The following HBS1L variants were observed in gnomAD, a reference collection of about 807,000 sequenced individuals.
HBS1L encodes HBS1 like translational GTPase.
In HBS1L, 55 loss-of-function variants were observed where a neutral mutation model predicts 88.9. The observed-to-expected ratio is 0.62, with a 90% CI of 0.50 to 0.77. The LOEUF is 0.77. Among genes scored for constraint, HBS1L ranks in the 30% least tolerant of loss-of-function variants. The probability of loss-of-function intolerance (pLI) is 0.00; values close to 1 mark genes in which losing one functional copy is unlikely to be tolerated. For synonymous variants in HBS1L, 267 were observed against 288.5 expected (o/e 0.93, Z 0.76); for missense variants, 741 against 829.3 (o/e 0.89, Z 1.31).
Position 134,978,714 on chromosome 6 carries a change from A to C in HBS1L, c.1762T>G (p.Phe588Val). The C allele has an allele frequency of 6.2e-7, 1 of 1,606,068 alleles. No individual in the cohort carries two copies. The highest frequency in any genetic ancestry group is 1.1e-5 in the South Asian group (1 of 89,972). Residue 588 changes from phenylalanine to valine, a missense_variant, in exon 15 of 18, where the codon TTT becomes GTT. This residue lies in a region of HBS1L where 181 missense variants were observed against 212.7 expected (regional missense o/e 0.85). Transcript: ENST00000367837. ...TTAGTGATAGGAATTTCAATATTAA[A>C]GATGAGGATTCGGGCTCTGAAACGA... ...CTRFRARILI[F>V]NIEIPITKGF...
chr6:135,031,560 T>C (rs2114880622), intron 4 of HBS1L, among the ~76,000 whole-genome samples: 1 of 151,652 alleles, frequency 6.6e-6, no homozygotes, highest in South Asian at 2.1e-4. Context: ...AACTAGATGG[T>C]GACAGTAATA....
chr6:135,000,084 G>GC (rs200507711), intron 5 of HBS1L, among the ~76,000 whole-genome samples: 2,313 of 151,018 alleles, frequency 0.015, 26 homozygotes, highest in Non-Finnish European at 0.024. Context: ...AGATGGTCTC[G>GC]CTCTCGCTGT....
intron 13 of HBS1L, among the ~76,000 whole-genome samples, chr6:134,980,538 G>A (rs1774799102): frequency 6.6e-6 from 1 of 151,942 alleles, no homozygotes; most frequent in African/African-American, 2.4e-5. Flanking sequence ...ACACAATAGA[G>A]ATTGACTTTG....
intron 4 of HBS1L, among the ~76,000 whole-genome samples, chr6:135,020,620 GAAT>G (rs978158448): frequency 9.2e-5 from 14 of 151,938 alleles, no homozygotes; most frequent in Non-Finnish European, 1.9e-4. Flanking sequence ...ATGCTATTAT[GAAT>G]AATAATTAAA....
rs1774225359 is a variant in HBS1L at position 134,963,202 on chromosome 6, C to T, written c.*2077G>A. The stretch of plus-strand genomic sequence containing the variant: ...TTTCCAACCCTCACACAACTGTTAG[C>T]TACATGCTTTGTGTGATATTAACTT... On this transcript the variant is annotated 3_prime_UTR_variant, in exon 18 of 18. Transcript: ENST00000367837. The T allele has an allele frequency of 6.6e-6, 1 of 152,112 alleles. No individual in the cohort carries two copies. The highest frequency in any genetic ancestry group is 2.4e-5 in the African/African-American group (1 of 41,434). 9.4% of individuals were successfully genotyped at this position (152,112 alleles called of 1,614,324 possible).
intron 15 of HBS1L, among the ~76,000 whole-genome samples, chr6:134,970,747 T>C (rs1283484824): frequency 6.6e-6 from 1 of 152,146 alleles, no homozygotes; most frequent in East Asian, 1.9e-4. Context: ...AGAAATCATA[T>C]AAATGGAAAC....
rs796280633 is a variant in HBS1L, at chr6:134,985,229, G to A, written c.1492+112C>T. The A allele has an allele frequency of 1.1e-5, 6 of 547,150 alleles. No homozygotes were observed. The African/African-American group carries it at 1.2e-4, about 11-fold the overall frequency. The allele number at this position is 547,150 out of a possible 1,614,324, so 33.9% of individuals were successfully genotyped here. A position where few individuals can be genotyped will look rare whatever the true frequency, so the allele number is the denominator to read the frequency against. On this transcript the variant is annotated intron_variant, in intron 12 of 17. Coordinates refer to ENST00000367837, the MANE Select transcript of HBS1L (RefSeq NM_006620.4). Reference sequence around the variant, plus strand: ...ACAGTGATCCTTACTTGGGCATGGAGAGGAGAGACTCTGAAGGCAATATAC... The same window carrying A: ...ACAGTGATCCTTACTTGGGCATGGAAAGGAGAGACTCTGAAGGCAATATAC...
intron 10 of HBS1L, among the ~76,000 whole-genome samples, chr6:134,986,384 C>G (rs1774980267): frequency 6.6e-6 from 1 of 152,058 alleles, no homozygotes; most frequent in Non-Finnish European, 1.5e-5. Flanking sequence ...CAAATTTATT[C>G]CAAAACATTC....
At chr6:135,028,913 T>C (rs2114875049) in intron 4 of HBS1L, among the ~76,000 whole-genome samples, 1 of 152,006 alleles carries the variant, frequency 6.6e-6, no homozygotes, top group East Asian at 1.9e-4. Flanking sequence ...AAAGCTCATA[T>C]GGGAAAAAGA....
chr6:135,001,949 A>G lies in HBS1L; in HGVS notation c.539+785T>C, dbSNP rs142443283. On this transcript the variant is annotated intron_variant, in intron 5 of 17. Coordinates refer to ENST00000367837, the MANE Select transcript of HBS1L (RefSeq NM_006620.4). ...AAATATAACTTGGGAAAAGAGGAAAAAAAAGGAAAAAAAGTATATATATAT... is the reference window on the plus strand; with the variant it reads ...AAATATAACTTGGGAAAAGAGGAAAGAAAAGGAAAAAAAGTATATATATAT... Among the ~76,000 whole-genome samples the G allele has an allele frequency of 3.6e-3, 542 of 151,606 alleles. 5 individuals carry two copies. Among genetic ancestry groups the G allele is most frequent in the African/African-American group, 0.012 (496 of 41,294 alleles).
At chr6:135,019,360 T>G (rs909039046) in intron 4 of HBS1L, among the ~76,000 whole-genome samples, 2 of 151,890 alleles carry the variant, frequency 1.3e-5, no homozygotes, top group African/African-American at 4.8e-5. Flanking sequence ...AAATAAAAAT[T>G]TCATAGTATG....
At chr6:135,028,136 A>G (rs1776286764) in intron 4 of HBS1L, among the ~76,000 whole-genome samples, 1 of 152,172 alleles carries the variant, frequency 6.6e-6, no homozygotes, top group Non-Finnish European at 1.5e-5. Context: ...AGGAAATGAA[A>G]AGCAAAAAAC....
intron 11 of HBS1L, 126 bp from the exon 12 acceptor site, chr6:134,985,535 C>T (rs1774955393): frequency 3.4e-6 from 2 of 588,390 alleles, no homozygotes; most frequent in Middle Eastern, 4.7e-4. Context: ...CTAATAGCAA[C>T]TTAACTGTCA....
chr6:134,982,674 CATTAAATAATAATCA>C, intron 12 of HBS1L, 112 bp from the exon 13 acceptor site: 1 of 487,450 alleles, frequency 2.1e-6, no homozygotes, highest in South Asian at 4.5e-5. Context: ...GTTCAATGGA[CATTAAATAATAATCA>C]TTTCAGAATT....
intron 4 of HBS1L, among the ~76,000 whole-genome samples, chr6:135,003,610 G>GGC (rs1775526819): frequency 6.7e-6 from 1 of 149,558 alleles, no homozygotes; most frequent in Non-Finnish European, 1.5e-5. Flanking sequence ...GCTCATGCCT[G>GGC]TAATCCCAGC....
intron 4 of HBS1L, among the ~76,000 whole-genome samples, chr6:135,018,965 T>C (rs562424546): frequency 2.6e-5 from 4 of 151,928 alleles, no homozygotes; most frequent in Non-Finnish European, 5.9e-5. Context: ...GGGCATATTA[T>C]TTATAAGCAA....
chr6:134,964,803 C>G lies in HBS1L; in HGVS notation c.*476G>C, dbSNP rs1251313726. On this transcript the variant is annotated 3_prime_UTR_variant, in exon 18 of 18. Transcript: ENST00000367837. ...ACTTTTATTATAACCTTCCCCAAAT[C>G]TTTTCTTAGCATTAACTGGAAAAAA... 1 of 127,898 alleles carries G rather than the reference C, an allele frequency of 7.8e-6. No homozygotes were observed. The highest frequency in any genetic ancestry group is 1.6e-5 in the Non-Finnish European group (1 of 63,316). 7.9% of individuals were successfully genotyped at this position (127,898 alleles called of 1,614,324 possible). A position where few individuals can be genotyped will look rare whatever the true frequency, so the allele number is the denominator to read the frequency against.
intron 4 of HBS1L, among the ~76,000 whole-genome samples, chr6:135,013,070 ACT>A (rs1329130764): frequency 6.6e-6 from 1 of 152,096 alleles, no homozygotes; most frequent in African/African-American, 2.4e-5. Context: ...TAAGACATAG[ACT>A]CTGCTGCAAC....
At chr6:135,051,130 G>A (rs1479479623) in intron 1 of HBS1L, among the ~76,000 whole-genome samples, 1 of 152,018 alleles carries the variant, frequency 6.6e-6, no homozygotes, top group African/African-American at 2.4e-5. Context: ...GGAGGCTGAG[G>A]CAGGAGAATC....
Sources: gnomAD v4.1 joint callset for allele counts (sites outside exome capture counted in the v4.1 genomes callset) on GRCh38, gnomAD v4.1.1 for gene constraint, gnomAD v4.1.1 regional missense constraint, MANE v1.5 for transcripts, NCBI Gene and HGNC (gene_info 2026-07-23, HGNC 2026-07-21) for gene names.